ADCY2: variants seen among roughly 807,000 people sequenced by gnomAD.
ADCY2 encodes the protein adenylate cyclase 2, also known as adenylate cyclase type 2.
ADCY2 carries 31 observed loss-of-function variants against 125.2 expected under a neutral mutation model. The observed-to-expected ratio is 0.25, with a 90% CI of 0.19 to 0.33. The LOEUF is 0.33. ADCY2 is among the 10% of genes least tolerant of loss of function. ADCY2 has a pLI of 1.00. For synonymous variants in ADCY2, 512 were observed against 548.4 expected, an observed-to-expected ratio of 0.93 and a Z score of 0.93; for missense variants, 904 against 1,418.2, an observed-to-expected ratio of 0.64 and a Z score of 5.82.
chr5:7,434,034 G>A (rs745601700), intron 2 of ADCY2, among the ~76,000 whole-genome samples: 22 of 151,896 alleles, frequency 1.4e-4, no homozygotes, highest in African/African-American at 2.2e-4. Flanking sequence ...AAGTGCAGAG[G>A]GAAATCTCCT....
At chr5:7,589,605 T>C (rs1010324446) in intron 3 of ADCY2, among the ~76,000 whole-genome samples, 1 of 152,052 alleles carries the variant, frequency 6.6e-6, no homozygotes, top group African/African-American at 2.4e-5. Context: ...GAATATCTAA[T>C]TTTGTAGTAA....
intron 3 of ADCY2, among the ~76,000 whole-genome samples, chr5:7,535,111 G>A (rs2126551761): frequency 6.6e-6 from 1 of 152,286 alleles, no homozygotes; most frequent in South Asian, 2.1e-4. Context: ...CGCAATCACG[G>A]CTCACCGCAA....
chr5:7,412,878 C>T (rs1004409470), intron 1 of ADCY2, among the ~76,000 whole-genome samples: 1 of 152,188 alleles, frequency 6.6e-6, no homozygotes, highest in African/African-American at 2.4e-5. Flanking sequence ...ATCCTGCCTG[C>T]CCCTACCAGG....
chr5:7,712,581 T>C (rs533667008), intron 10 of ADCY2, among the ~76,000 whole-genome samples: 2 of 152,346 alleles, frequency 1.3e-5, no homozygotes, highest in South Asian at 4.1e-4. Flanking sequence ...TCAGATCTGA[T>C]AATACAGGCT....
intron 10 of ADCY2, 64 bp from the exon 11 acceptor site, chr5:7,712,792 T>C (rs183406557): frequency 9.8e-6 from 11 of 1,119,844 alleles, no homozygotes; most frequent in Non-Finnish European, 1.5e-5. Flanking sequence ...TTTCACCTAA[T>C]TATCATTGCA....
chr5:7,614,198 T>C (rs1020430808), intron 3 of ADCY2, among the ~76,000 whole-genome samples: 6 of 152,120 alleles, frequency 3.9e-5, no homozygotes, highest in African/African-American at 1.4e-4. Flanking sequence ...ACAAAATTGT[T>C]TGAGTAAATT....
At chr5:7,670,129 T>C (rs933956479) in intron 4 of ADCY2, among the ~76,000 whole-genome samples, 3 of 152,206 alleles carry the variant, frequency 2.0e-5, no homozygotes, top group African/African-American at 7.2e-5. Flanking sequence ...GCCCAGTATA[T>C]GAAAAACACT....
intron 4 of ADCY2, among the ~76,000 whole-genome samples, chr5:7,660,742 T>A (rs1326910080): frequency 6.6e-6 from 1 of 152,102 alleles, no homozygotes; most frequent in Non-Finnish European, 1.5e-5. Context: ...AAGGGTAATC[T>A]GCTTTACTTA....
chr5:7,564,810 C>G (rs1425714990), intron 3 of ADCY2, among the ~76,000 whole-genome samples: 1 of 152,046 alleles, frequency 6.6e-6, no homozygotes, highest in Non-Finnish European at 1.5e-5. Flanking sequence ...AATGTCACCC[C>G]AAAGCAAGCG....
At chr5:7,677,333 A>G (rs1030708869) in intron 4 of ADCY2, among the ~76,000 whole-genome samples, 25 of 152,188 alleles carry the variant, frequency 1.6e-4, no homozygotes, top group African/African-American at 5.5e-4. Context: ...CCTTGGTTCC[A>G]CCAAGCCTTT....
chr5:7,757,672 T>C (rs1459822197), intron 16 of ADCY2, 86 bp downstream of exon 16: 14 of 1,529,158 alleles, frequency 9.2e-6, no homozygotes, highest in Non-Finnish European at 1.1e-5. Flanking sequence ...ACCACAGCCG[T>C]GTTCAACATG....
At chr5:7,687,793 A>G (rs1740564986) in intron 4 of ADCY2, among the ~76,000 whole-genome samples, 1 of 152,208 alleles carries the variant, frequency 6.6e-6, no homozygotes, top group South Asian at 2.1e-4. Context: ...GCATAGCTAG[A>G]AACTCATGTA....
At chr5:7,437,681 G>T (rs892364543) in intron 2 of ADCY2, among the ~76,000 whole-genome samples, 1 of 152,232 alleles carries the variant, frequency 6.6e-6, no homozygotes, top group Non-Finnish European at 1.5e-5. Context: ...ATCTTTTCCT[G>T]AACTCTGAAT....
intron 3 of ADCY2, among the ~76,000 whole-genome samples, chr5:7,558,108 A>G (rs1735589883): frequency 6.6e-6 from 1 of 151,040 alleles, no homozygotes; most frequent in Admixed American, 6.6e-5. Context: ...GCTGTAGTGC[A>G]GTGGCACAAT....
At position 7,396,483 on chromosome 5, in the gene ADCY2, G is replaced by T. The variant is rs143231659; in HGVS notation, c.187G>T (p.Ala63Ser). ...CATGGGCTCCTGCCTCGCCCTGCTC[G>T]CCGTCTTCTTCGCGCTCGGGCTGGT... ...IVMGSCLALL[A>S]VFFALGLEVE... is the part of the protein sequence containing the mutation. Residue 63 changes from alanine to serine, a missense_variant, in exon 1 of 25, where the codon GCC becomes TCC. Ala to Ser is a moderately conservative substitution (Grantham distance 99). This residue lies in a region of ADCY2 where 113 missense variants were observed against 108.0 expected (regional missense o/e 1.05). Coordinates refer to ENST00000338316, the MANE Select transcript of ADCY2 (RefSeq NM_020546.3). This position sits in a 1 kb window ranked among gnomAD's most constrained non-coding sequence, Gnocchi z 5.7. The T allele has an allele frequency of 5.1e-6, 8 of 1,567,326 alleles. No individual in the cohort carries two copies. The highest frequency in any genetic ancestry group is 6.0e-6 in the Non-Finnish European group (7 of 1,157,390).
At chr5:7,804,069 A>AGAGC (rs1553990877) in intron 21 of ADCY2, among the ~76,000 whole-genome samples, 97 of 140,510 alleles carry the variant, frequency 6.9e-4, no homozygotes, top group Middle Eastern at 3.9e-3. Flanking sequence ...AGAGAGAGAG[A>AGAGC]GAGAGCTGGT....
At chr5:7,651,250 G>T (rs901499407) in intron 4 of ADCY2, among the ~76,000 whole-genome samples, 1 of 152,168 alleles carries the variant, frequency 6.6e-6, no homozygotes, top group Non-Finnish European at 1.5e-5. Flanking sequence ...GTCTGTATTA[G>T]TCAGGGTTCT....
At chr5:7,567,356 A>G (rs1380805318) in intron 3 of ADCY2, among the ~76,000 whole-genome samples, 1 of 150,970 alleles carries the variant, frequency 6.6e-6, no homozygotes, top group Non-Finnish European at 1.5e-5. Context: ...AATGGATTTT[A>G]GCATTTGCTT....
At chr5:7,573,845 G>T (rs1449269980) in intron 3 of ADCY2, among the ~76,000 whole-genome samples, 3 of 144,652 alleles carry the variant, frequency 2.1e-5, no homozygotes, top group African/African-American at 2.5e-5. Context: ...GTGCCATGCT[G>T]GTGCACTGCA....
Sources: allele counts gnomAD v4.1 joint callset (sites outside exome capture counted in the v4.1 genomes callset), GRCh38; gene constraint gnomAD v4.1.1; regional missense constraint gnomAD v4.1.1; non-coding constraint Gnocchi (gnomAD v3.1); transcripts MANE v1.5; gene names NCBI Gene and HGNC (gene_info 2026-07-23, HGNC 2026-07-21).